CRISPLD2: variants seen among roughly 807,000 people sequenced by gnomAD.
The protein encoded by CRISPLD2 is cysteine rich secretory protein LCCL domain containing 2.
A neutral mutation model predicts 71.1 loss-of-function variants in CRISPLD2; 47 were observed. That is an observed-to-expected ratio of 0.66 (90% CI 0.52 to 0.84). CRISPLD2 has a LOEUF of 0.84. CRISPLD2 is among the 40% of genes least tolerant of loss of function. The pLI, the probability that CRISPLD2 is intolerant of heterozygous loss-of-function variation, is 0.00. For synonymous variants in CRISPLD2, 317 were observed against 250.1 expected (o/e 1.27, Z -2.52); for missense variants, 830 against 651.1 (o/e 1.27, Z -2.99).
At position 84,845,923 on chromosome 16, in the gene CRISPLD2, T is replaced by A. The variant is rs1365045682; in HGVS notation, c.359+19T>A. ...GGGGCAGGTAAGAGCCACAAGTTCCTCTCCGGCTGCCGCAGGACCCCACTG... is the reference window on the plus strand; with the variant it reads ...GGGGCAGGTAAGAGCCACAAGTTCCACTCCGGCTGCCGCAGGACCCCACTG... On this transcript the variant is annotated intron_variant, in intron 3 of 14. Coordinates refer to ENST00000262424, the MANE Select transcript of CRISPLD2 (RefSeq NM_031476.4). 6.5e-7 allele frequency: 1 copy of A among 1,536,468 alleles called. No homozygotes were observed. Among genetic ancestry groups the A allele is most frequent in the South Asian group, 1.1e-5 (1 of 88,828 alleles).
chr16:84,866,817 C>CAA (rs747588054), intron 6 of CRISPLD2, 80 bp from the exon 7 acceptor site: 11 of 1,399,978 alleles, frequency 7.9e-6, no homozygotes, highest in Non-Finnish European at 1.1e-5. Context: ...GTTTAGTTTT[C>CAA]AAATTGCTTT....
chr16:84,882,403 A>G (rs1428596782), intron 13 of CRISPLD2, among the ~76,000 whole-genome samples: 1 of 151,282 alleles, frequency 6.6e-6, no homozygotes, highest in Non-Finnish European at 1.5e-5. Context: ...GCAACAATAG[A>G]AGGCTACTTT....
chr16:84,870,717 T>C (rs1298004208), intron 8 of CRISPLD2, among the ~76,000 whole-genome samples: 1 of 152,242 alleles, frequency 6.6e-6, no homozygotes, highest in African/African-American at 2.4e-5. Context: ...TGAATGTGTT[T>C]AGCCATTGCT....
chr16:84,903,329 C>T (rs1181459679), intron 14 of CRISPLD2, among the ~76,000 whole-genome samples: 3 of 152,048 alleles, frequency 2.0e-5, no homozygotes, highest in Non-Finnish European at 4.4e-5. Context: ...GTAATCCCAG[C>T]ACTTTGGGAG....
At chr16:84,867,794 A>C (rs576024630) in intron 7 of CRISPLD2, among the ~76,000 whole-genome samples, 26 of 152,120 alleles carry the variant, frequency 1.7e-4, no homozygotes, top group Middle Eastern at 3.2e-3. Flanking sequence ...GGAATCCCCA[A>C]AATATTGACT....
intron 1 of CRISPLD2, among the ~76,000 whole-genome samples, chr16:84,837,919 G>A (rs1042028939): frequency 2.0e-5 from 3 of 152,322 alleles, no homozygotes; most frequent in East Asian, 3.9e-4. Flanking sequence ...GGTGGGGCCC[G>A]GGGCGAGGGC....
chr16:84,842,443 C>T (rs1212259693), intron 2 of CRISPLD2, among the ~76,000 whole-genome samples: 5 of 147,884 alleles, frequency 3.4e-5, no homozygotes, highest in Non-Finnish European at 7.4e-5. Context: ...GGTGCTATCT[C>T]GGCTCACTGC....
intron 13 of CRISPLD2, among the ~76,000 whole-genome samples, chr16:84,884,628 T>C (rs1016531113): frequency 7.1e-6 from 1 of 140,766 alleles, no homozygotes; most frequent in Non-Finnish European, 1.5e-5. Flanking sequence ...AGGAGAGGTG[T>C]GGAGGAAGGA....
At chr16:84,888,940 A>G (rs191826321) in intron 13 of CRISPLD2, among the ~76,000 whole-genome samples, 5 of 152,334 alleles carry the variant, frequency 3.3e-5, no homozygotes, top group African/African-American at 1.2e-4. Context: ...GACTCTTTGA[A>G]GGCAAGGTCT....
chr16:84,838,249 C>A (rs1209713928), intron 1 of CRISPLD2, among the ~76,000 whole-genome samples, 173 bp from the exon 2 acceptor site: 1 of 152,174 alleles, frequency 6.6e-6, no homozygotes, highest in Non-Finnish European at 1.5e-5. Context: ...TGGCGTAAAT[C>A]CCAGCTCCAC....
chr16:84,838,934 G>A (rs150836420), intron 2 of CRISPLD2, 199 bp downstream of exon 2: 7 of 762,222 alleles, frequency 9.2e-6, no homozygotes, highest in Admixed American at 4.0e-5. Flanking sequence ...TGCCACTGAC[G>A]CTGGAGTGCA....
chr16:84,902,284 T>C (rs1283541022), intron 14 of CRISPLD2, among the ~76,000 whole-genome samples: 2 of 151,960 alleles, frequency 1.3e-5, no homozygotes, highest in Admixed American at 1.3e-4. Flanking sequence ...GGGGAGGTTT[T>C]AGAGTCAGCA....
Position 84,845,320 on chromosome 16 carries a change from G to A in CRISPLD2, c.241-466G>A, listed in dbSNP as rs1259156783. On this transcript the variant is annotated intron_variant, in intron 2 of 14. Transcript: ENST00000262424. Reference sequence around the variant, plus strand: ...GCCTGGAACATGCGTAGTAAGGAGAGGAAGCCTGGTGTGCCTGGATCATGC... The same window carrying A: ...GCCTGGAACATGCGTAGTAAGGAGAAGAAGCCTGGTGTGCCTGGATCATGC... 2.0e-5 allele frequency among the ~76,000 whole-genome samples: 3 copies of A among 152,090 alleles called. No homozygotes were observed. In the East Asian group the frequency reaches 5.8e-4, roughly 29 times the overall value.
chr16:84,835,559 C>G (rs902894344), intron 1 of CRISPLD2, among the ~76,000 whole-genome samples: 1 of 152,072 alleles, frequency 6.6e-6, no homozygotes, highest in East Asian at 1.9e-4. Context: ...AGTACTGGCA[C>G]ACCACCCAGC....
chr16:84,871,240 T>G (rs2071466347), intron 8 of CRISPLD2, among the ~76,000 whole-genome samples: 1 of 152,146 alleles, frequency 6.6e-6, no homozygotes, highest in South Asian at 2.1e-4. Context: ...AGCAACACCA[T>G]CATTGAGTTT....
At chr16:84,832,024 C>A (rs990345130) in intron 1 of CRISPLD2, among the ~76,000 whole-genome samples, 1 of 152,232 alleles carries the variant, frequency 6.6e-6, no homozygotes, top group Non-Finnish European at 1.5e-5. Flanking sequence ...CGTGAGCCGC[C>A]ATGTCCAGCC....
chr16:84,877,954 T>TA (rs1399116967), intron 12 of CRISPLD2, among the ~76,000 whole-genome samples: 4 of 150,968 alleles, frequency 2.6e-5, no homozygotes, highest in Non-Finnish European at 5.9e-5. Context: ...CTCACGCCTG[T>TA]AATCCCAGCA....
chr16:84,822,164 A>G (rs1004147544), intron 1 of CRISPLD2, among the ~76,000 whole-genome samples: 1 of 152,208 alleles, frequency 6.6e-6, no homozygotes, highest in Admixed American at 6.5e-5. Context: ...CTTGGGCTCA[A>G]CATTGCTGAC....
intron 14 of CRISPLD2, among the ~76,000 whole-genome samples, chr16:84,895,674 AG>A (rs1184413507): frequency 1.3e-5 from 2 of 152,108 alleles, no homozygotes; most frequent in African/African-American, 4.8e-5. Flanking sequence ...GGGCTTTGTG[AG>A]GATAGTTCAC....
Sources: allele counts gnomAD v4.1 joint callset (sites outside exome capture counted in the v4.1 genomes callset), GRCh38; gene constraint gnomAD v4.1.1; transcripts MANE v1.5; gene names NCBI Gene and HGNC (gene_info 2026-07-23, HGNC 2026-07-21).